The following MTOR variants were observed in gnomAD, a reference collection of about 807,000 sequenced individuals.
MTOR encodes the protein serine/threonine-protein kinase mTOR.
A neutral mutation model predicts 319.8 loss-of-function variants in MTOR; 70 were observed. The ratio of observed to expected loss-of-function variants is 0.22; its 90% confidence interval spans 0.18 to 0.27. The LOEUF (loss-of-function observed/expected upper bound fraction) is 0.27, where lower values mean the gene tolerates loss of function less well. Among genes scored for constraint, MTOR ranks in the 10% least tolerant of loss-of-function variants. The probability of loss-of-function intolerance (pLI) is 1.00; values close to 1 mark genes in which losing one functional copy is unlikely to be tolerated. For synonymous variants in MTOR, 1,183 were observed against 1,211.4 expected (o/e 0.98, Z 0.49); for missense variants, 1,890 against 3,274.4 (o/e 0.58, Z 10.32).
At chr1:11,148,705 G>T (rs192612523) in intron 31 of MTOR, among the ~76,000 whole-genome samples, 173 of 152,116 alleles carry the variant, frequency 1.1e-3, no homozygotes, top group Middle Eastern at 3.4e-3. Flanking sequence ...TTCAAGACCA[G>T]CCTGGCCAAC....
At chr1:11,206,932 G>A (rs114577049) in intron 25 of MTOR, among the ~76,000 whole-genome samples, 324 of 152,326 alleles carry the variant, frequency 2.1e-3, no homozygotes, top group African/African-American at 7.6e-3. Context: ...TATGTTTTCT[G>A]TATCACATAA....
intron 25 of MTOR, among the ~76,000 whole-genome samples, chr1:11,208,111 C>CT (rs1646198479): frequency 6.6e-6 from 1 of 152,236 alleles, no homozygotes; most frequent in Non-Finnish European, 1.5e-5. Context: ...ATCTGGCCTC[C>CT]TGCCTGGCCC....
intron 3 of MTOR, 117 bp downstream of exon 3, chr1:11,258,367 CG>C (rs1650700124): frequency 5.6e-6 from 4 of 719,246 alleles, no homozygotes. Context: ...TTAAAAGCCA[CG>C]GGCTTCTTAA....
intron 49 of MTOR, among the ~76,000 whole-genome samples, chr1:11,117,594 T>C (rs1161012150): frequency 1.3e-5 from 2 of 152,170 alleles, no homozygotes; most frequent in Non-Finnish European, 2.9e-5. Context: ...CTTAAAGATC[T>C]GAGTAAATGA....
At chr1:11,258,358 T>C in intron 3 of MTOR, 127 bp downstream of exon 3, 6 of 690,346 alleles carry the variant, frequency 8.7e-6, no homozygotes, top group Non-Finnish European at 1.5e-5. Context: ...CTGCTAGAAT[T>C]AAAAGCCACG....
At chr1:11,194,354 C>G (rs1645690303) in intron 28 of MTOR, 2 of 1,025,090 alleles carry the variant, frequency 2.0e-6, no homozygotes, top group Non-Finnish European at 3.0e-6. Flanking sequence ...TAGATTCACA[C>G]CTATAAAAAG....
chr1:11,207,624 G>T (rs767019634), intron 25 of MTOR, among the ~76,000 whole-genome samples: 5 of 144,306 alleles, frequency 3.5e-5, no homozygotes, highest in South Asian at 2.2e-4. Context: ...TTGAGACAGG[G>T]TCTTACTCTG....
intron 53 of MTOR, 61 bp from the exon 54 acceptor site, chr1:11,112,978 G>A: frequency 6.6e-7 from 1 of 1,520,364 alleles, no homozygotes; most frequent in South Asian, 1.1e-5. Flanking sequence ...AAGAAACTTG[G>A]TTATTTTCTT....
chr1:11,201,341 T>G (rs1416594460), intron 26 of MTOR, among the ~76,000 whole-genome samples: 1 of 152,148 alleles, frequency 6.6e-6, no homozygotes, highest in African/African-American at 2.4e-5. Context: ...GCTGAGTACA[T>G]GATATCTCCA....
chr1:11,224,038 CAAAAT>C (rs370686856), intron 19 of MTOR, among the ~76,000 whole-genome samples: 7,062 of 143,238 alleles, frequency 0.049, 408 homozygotes, highest in African/African-American at 0.15. Flanking sequence ...TACTCCGTCT[CAAAAT>C]AAAATAAAAT....
At chr1:11,184,966 C>G (rs1645268187) in intron 28 of MTOR, among the ~76,000 whole-genome samples, 1 of 152,244 alleles carries the variant, frequency 6.6e-6, no homozygotes, top group Admixed American at 6.5e-5. Flanking sequence ...CCACACTCGA[C>G]TACTTACATT....
intron 28 of MTOR, among the ~76,000 whole-genome samples, chr1:11,177,532 T>G (rs778776741): frequency 6.6e-6 from 1 of 152,182 alleles, no homozygotes; most frequent in African/African-American, 2.4e-5. Flanking sequence ...CACTCCAGAC[T>G]GGGTGACAGA....
intron 51 of MTOR, 81 bp from the exon 52 acceptor site, chr1:11,114,968 T>C: frequency 8.8e-7 from 1 of 1,130,358 alleles, no homozygotes; most frequent in Non-Finnish European, 1.3e-6. Flanking sequence ...GGCTTTCCTC[T>C]GCATCACCTG....
rs756524314 is a variant in MTOR, at chr1:11,238,396, C to G, written c.2002+6G>C. 2 of 1,613,492 alleles carry G rather than the reference C, an allele frequency of 1.2e-6. No individual in the cohort carries two copies. Among genetic ancestry groups the G allele is most frequent in the Admixed American group, 1.7e-5 (1 of 59,992 alleles). On this transcript the variant is annotated splice_donor_region_variant and intron_variant, in intron 12 of 57. Transcript: ENST00000361445. ...CCCTAGATTCCTTCTGTCTGGCAAGCCTTACCAGGATCTGTTATCCCAACT... is the reference window on the plus strand; with the variant it reads ...CCCTAGATTCCTTCTGTCTGGCAAGGCTTACCAGGATCTGTTATCCCAACT...
At chr1:11,119,636 C>T (rs1001785123) in intron 49 of MTOR, among the ~76,000 whole-genome samples, 18 of 132,990 alleles carry the variant, frequency 1.4e-4, no homozygotes, top group African/African-American at 5.2e-4. Context: ...ATTCCAGGTA[C>T]TCTGGAGGCT....
At chr1:11,139,088 T>C (rs569255537) in intron 36 of MTOR, 2 of 565,858 alleles carry the variant, frequency 3.5e-6, no homozygotes, top group South Asian at 5.7e-5. Flanking sequence ...GTGATCACAT[T>C]CATTGGTTTG....
At chr1:11,222,289 C>T (rs1016924636) in intron 19 of MTOR, among the ~76,000 whole-genome samples, 3 of 151,924 alleles carry the variant, frequency 2.0e-5, no homozygotes, top group Admixed American at 1.3e-4. Context: ...CTCTACCTCC[C>T]GGGTTCATGC....
chr1:11,204,072 C>T (rs937527061), intron 26 of MTOR, among the ~76,000 whole-genome samples: 15 of 152,208 alleles, frequency 9.9e-5, no homozygotes, highest in African/African-American at 3.1e-4. Context: ...GACACACAAG[C>T]CAGCCTTGAA....
At chr1:11,235,142 T>C (rs954475321) in intron 13 of MTOR, among the ~76,000 whole-genome samples, 1 of 152,122 alleles carries the variant, frequency 6.6e-6, no homozygotes, top group African/African-American at 2.4e-5. Flanking sequence ...ATACTGAGAA[T>C]AGACCTGCAG....
Sources: gnomAD v4.1 joint callset for allele counts (sites outside exome capture counted in the v4.1 genomes callset) on GRCh38, gnomAD v4.1.1 for gene constraint, MANE v1.5 for transcripts, NCBI Gene and HGNC (gene_info 2026-07-23, HGNC 2026-07-21) for gene names.